The following CCDC3 variants were observed in gnomAD, a reference collection of about 807,000 sequenced individuals.
CCDC3 encodes coiled-coil domain containing 3, also known as coiled-coil domain-containing protein 3.
Under a neutral mutation model 21.4 loss-of-function variants are expected in CCDC3, and 24 were observed. That is an observed-to-expected ratio of 1.12 (90% CI 0.81 to 1.58). The LOEUF is 1.58. Among genes scored for constraint, CCDC3 ranks in the 40% most tolerant of loss-of-function variants. CCDC3 has a pLI of 0.00. For synonymous variants in CCDC3, 186 were observed against 166.0 expected (o/e 1.12, Z -0.93); for missense variants, 425 against 360.9 (o/e 1.18, Z -1.44).
intron 5 of CCDC3, among the ~76,000 whole-genome samples, chr10:13,027,766 A>G (rs1010578661): frequency 6.6e-6 from 1 of 151,974 alleles, no homozygotes; most frequent in Non-Finnish European, 1.5e-5. Context: ...TCCGCACCTG[A>G]GCTCATTTAA....
chr10:12,948,253 G>A (rs1358078888), intron 2 of CCDC3, among the ~76,000 whole-genome samples: 4 of 151,906 alleles, frequency 2.6e-5, no homozygotes, highest in Non-Finnish European at 4.4e-5. Context: ...TAATTGTGAG[G>A]CCTCCCCAGC....
At chr10:12,960,194 G>A (rs1835160636) in intron 2 of CCDC3, among the ~76,000 whole-genome samples, 1 of 56,894 alleles carries the variant, frequency 1.8e-5, no homozygotes, top group Admixed American at 1.7e-4. Flanking sequence ...CACACACAAA[G>A]GTTTTCTCAG....
rs1054295565 is a variant in CCDC3 at position 12,898,601 on chromosome 10, G to A, written c.628C>T (p.Leu210=). ...VKKLQQKVAT[L]EKRNRQLRER... is the part of the protein sequence containing the mutation. ...CGGAGCTGCCGGTTGCGCTTCTCCA[G>A]GGTGGCCACTTTCTGCTGCAGTTTC... is the stretch of plus-strand genomic sequence containing the variant. Residue 210 remains leucine, a synonymous_variant, in exon 3 of 3, where the codon CTG becomes TTG. Coordinates refer to ENST00000378825, the MANE Select transcript of CCDC3 (RefSeq NM_031455.4). 1 of 1,614,110 alleles carries A rather than the reference G, an allele frequency of 6.2e-7. No homozygotes were observed. Among genetic ancestry groups the A allele is most frequent in the African/African-American group, 1.3e-5 (1 of 74,938 alleles).
Position 13,048,679 on chromosome 10 carries a change from G to C in CCDC3, c.-2+995C>G, listed in dbSNP as rs181397103. 4.2e-3 allele frequency among the ~76,000 whole-genome samples: 637 copies of C among 152,240 alleles called. 4 individuals carry two copies. The highest frequency in any genetic ancestry group is 6.7e-3 in the Non-Finnish European group (456 of 68,022). ...ACAGGAACTTGAAGGTGTTTCCTAA[G>C]TGTTACCTCCACAAGCAGATGAGTC... is the stretch of plus-strand genomic sequence containing the variant. On this transcript the variant is annotated intron_variant, in intron 5 of 6. Transcript: ENST00000378839.
intron 2 of CCDC3, among the ~76,000 whole-genome samples, chr10:12,939,138 G>A (rs978766356): frequency 7.2e-5 from 11 of 151,844 alleles, no homozygotes; most frequent in Admixed American, 5.9e-4. Context: ...AGCCTTTAAC[G>A]CTTTCCTATC....
intron 2 of CCDC3, among the ~76,000 whole-genome samples, chr10:12,941,899 G>A (rs1250021440): frequency 1.3e-5 from 2 of 152,178 alleles, no homozygotes; most frequent in South Asian, 2.1e-4. Flanking sequence ...AATAGGAGGA[G>A]GACTAAGTAA....
chr10:13,077,382 A>C (rs998125362), intron 3 of CCDC3, among the ~76,000 whole-genome samples: 1 of 152,230 alleles, frequency 6.6e-6, no homozygotes, highest in Admixed American at 6.5e-5. Context: ...ATGGAAGAAC[A>C]TTCCATGCTC....
chr10:12,984,752 A>T (rs111923677), intron 2 of CCDC3, among the ~76,000 whole-genome samples: 297 of 152,362 alleles, frequency 1.9e-3, no homozygotes, highest in Middle Eastern at 3.4e-3. Context: ...TACAATATGA[A>T]CGAAGCTTGA....
At chr10:12,990,849 AATGTATTTTC>A (rs1490882879) in intron 2 of CCDC3, among the ~76,000 whole-genome samples, 2 of 152,254 alleles carry the variant, frequency 1.3e-5, no homozygotes, top group African/African-American at 4.8e-5. Flanking sequence ...AAGATAGGCC[AATGTATTTTC>A]ATGTAGGAAT....
chr10:12,968,244 A>G (rs1436652241), intron 2 of CCDC3, among the ~76,000 whole-genome samples: 1 of 149,736 alleles, frequency 6.7e-6, no homozygotes, highest in Non-Finnish European at 1.5e-5. Flanking sequence ...TAAAAGGAAC[A>G]AGAGAAAACA....
chr10:13,084,826 G>A (rs1316700859), intron 3 of CCDC3, among the ~76,000 whole-genome samples: 1 of 152,184 alleles, frequency 6.6e-6, no homozygotes, highest in Non-Finnish European at 1.5e-5. Context: ...ATTGTCTAGG[G>A]AGAGGAAGGA....
chr10:12,940,730 A>C (rs1394392309), intron 2 of CCDC3, among the ~76,000 whole-genome samples: 1 of 152,202 alleles, frequency 6.6e-6, no homozygotes, highest in African/African-American at 2.4e-5. Flanking sequence ...TCTGCACATA[A>C]ATTTAAATGA....
intron 2 of CCDC3, among the ~76,000 whole-genome samples, chr10:12,936,068 T>TTTTTGTATGTAGATCC (rs1834732739): frequency 6.6e-6 from 1 of 151,870 alleles, no homozygotes; most frequent in African/African-American, 2.4e-5. Context: ...CAGATGCCCA[T>TTTTTGTATGTAGATCC]TTTTGTATGT....
intron 2 of CCDC3, among the ~76,000 whole-genome samples, chr10:12,927,319 C>T (rs1341295953): frequency 6.6e-6 from 1 of 152,194 alleles, no homozygotes; most frequent in Non-Finnish European, 1.5e-5. Flanking sequence ...CTTTAGCACA[C>T]ATCTCTAGCT....
intron 5 of CCDC3, among the ~76,000 whole-genome samples, chr10:13,046,282 T>C (rs1836526759): frequency 6.6e-6 from 1 of 151,914 alleles, no homozygotes; most frequent in Non-Finnish European, 1.5e-5. Context: ...GACTCACACC[T>C]GTAGTCCCAG....
chr10:12,952,772 A>AC (rs760666490), intron 2 of CCDC3, among the ~76,000 whole-genome samples: 4 of 152,080 alleles, frequency 2.6e-5, no homozygotes, highest in Non-Finnish European at 5.9e-5. Flanking sequence ...GCCAGGTGTG[A>AC]CCTCAAAGCC....
chr10:12,948,453 G>A (rs1834954111), intron 2 of CCDC3, among the ~76,000 whole-genome samples: 1 of 132,518 alleles, frequency 7.5e-6, no homozygotes, highest in Admixed American at 8.2e-5. Flanking sequence ...GTGGCTAAAG[G>A]CAGGCAGACA....
intron 2 of CCDC3, among the ~76,000 whole-genome samples, chr10:12,979,653 C>T (rs550160710): frequency 2.0e-5 from 3 of 152,158 alleles, no homozygotes; most frequent in South Asian, 2.1e-4. Flanking sequence ...ATTACAAGCA[C>T]GAGTCACCAC....
intron 5 of CCDC3, among the ~76,000 whole-genome samples, chr10:13,007,341 T>C (rs1007049237): frequency 4.6e-5 from 7 of 152,180 alleles, no homozygotes; most frequent in Admixed American, 1.3e-4. Context: ...CAGCATGGAA[T>C]TCCTTCAAAT....
Sources: allele counts gnomAD v4.1 joint callset (sites outside exome capture counted in the v4.1 genomes callset), GRCh38; gene constraint gnomAD v4.1.1; transcripts MANE v1.5; gene names NCBI Gene and HGNC (gene_info 2026-07-23, HGNC 2026-07-21).